The following ARHGAP32 variants were observed in gnomAD, a reference collection of about 807,000 sequenced individuals.
ARHGAP32 encodes rho GTPase-activating protein 32.
In ARHGAP32, 51 loss-of-function variants were observed where a neutral mutation model predicts 186.5. That is an observed-to-expected ratio of 0.27 (90% CI 0.22 to 0.35). ARHGAP32 has a LOEUF of 0.35. Among genes scored for constraint, ARHGAP32 ranks in the 10% least tolerant of loss-of-function variants. ARHGAP32 has a pLI of 1.00. For missense variants in ARHGAP32, 2,186 were observed against 2,623.5 expected, an observed-to-expected ratio of 0.83 and a Z score of 3.64; for synonymous variants, 950 against 964.3, an observed-to-expected ratio of 0.99 and a Z score of 0.27.
At chr11:128,992,100 C>A (rs1946072654) in intron 12 of ARHGAP32, among the ~76,000 whole-genome samples, 1 of 152,092 alleles carries the variant, frequency 6.6e-6, no homozygotes, top group African/African-American at 2.4e-5. Context: ...ATGATTCTAC[C>A]TAATATGACT....
At chr11:129,091,236 C>T (rs1440143782) in intron 6 of ARHGAP32, among the ~76,000 whole-genome samples, 1 of 152,076 alleles carries the variant, frequency 6.6e-6, no homozygotes, top group Non-Finnish European at 1.5e-5. Context: ...TGCTTTGGGT[C>T]CATGCTGTAT....
At chr11:128,993,100 T>G (rs939014496) in intron 12 of ARHGAP32, 6 of 152,238 alleles carry the variant, frequency 3.9e-5, no homozygotes, top group Admixed American at 6.5e-5. Flanking sequence ...AGGTCAAGTT[T>G]GTCACTTGCT....
At chr11:128,980,221 G>A (rs1363344196) in intron 18 of ARHGAP32, among the ~76,000 whole-genome samples, 1 of 152,142 alleles carries the variant, frequency 6.6e-6, no homozygotes, top group African/African-American at 2.4e-5. Flanking sequence ...TTCCAACACA[G>A]CTTATTTCTA....
chr11:129,070,841 T>C (rs1166640655), intron 6 of ARHGAP32, among the ~76,000 whole-genome samples: 1 of 151,988 alleles, frequency 6.6e-6, no homozygotes, highest in East Asian at 1.9e-4. Context: ...TTCCAGTAGG[T>C]GAAAAACTGT....
At chr11:129,193,609 TAA>T (rs1944330245), upstream of ARHGAP32, among the ~76,000 whole-genome samples, 1 of 78,172 alleles carries the variant, frequency 1.3e-5, no homozygotes, top group Non-Finnish European at 2.3e-5. Flanking sequence ...ATATAATATA[TAA>T]TATATGTTAT....
chr11:129,232,475 G>C (rs1944872109), intron 1 of ARHGAP32, among the ~76,000 whole-genome samples: 1 of 152,128 alleles, frequency 6.6e-6, no homozygotes, highest in Non-Finnish European at 1.5e-5. Flanking sequence ...AAAACAACTG[G>C]CGTTATTGTT....
intron 20 of ARHGAP32, among the ~76,000 whole-genome samples, chr11:128,975,482 C>T (rs1403906116): frequency 1.3e-5 from 2 of 151,978 alleles, no homozygotes; most frequent in Non-Finnish European, 2.9e-5. Context: ...ATAAATTGAA[C>T]TTCTCAATTA....
intron 1 of ARHGAP32, among the ~76,000 whole-genome samples, chr11:129,223,451 C>A (rs1944738295): frequency 6.6e-6 from 1 of 152,026 alleles, no homozygotes; most frequent in African/African-American, 2.4e-5. Flanking sequence ...ATATAATAGG[C>A]AGTGAAATAG....
At chr11:129,148,972 C>G in intron 2 of ARHGAP32, among the ~76,000 whole-genome samples, 1 of 152,140 alleles carries the variant, frequency 6.6e-6, no homozygotes, top group East Asian at 1.9e-4. Flanking sequence ...AAGCTTGGAC[C>G]CACCTAAACC....
Position 128,966,398 on chromosome 11 carries a change from T to G in ARHGAP32, c.*2509A>C, listed in dbSNP as rs1226825546. On this transcript the variant is annotated 3_prime_UTR_variant, in exon 23 of 23. Transcript: ENST00000682385. The stretch of plus-strand genomic sequence containing the variant: ...GCCATCCGGTTTCCACCCCACAACA[T>G]TAGAAAGGGAAAGATGCCGGAAAAG... 1 of 152,160 alleles carries G rather than the reference T, an allele frequency of 6.6e-6. No individual in the cohort carries two copies. Among genetic ancestry groups the G allele is most frequent in the East Asian group, 1.9e-4 (1 of 5,198 alleles). The allele number at this position is 152,160 out of a possible 1,614,324, so 9.4% of individuals were successfully genotyped here. A position where few individuals can be genotyped will look rare whatever the true frequency, so the allele number is the denominator to read the frequency against.
intron 1 of ARHGAP32, among the ~76,000 whole-genome samples, chr11:129,244,855 C>T (rs1591715953): frequency 6.6e-6 from 1 of 151,532 alleles, no homozygotes; most frequent in East Asian, 1.9e-4. Context: ...AAAATGCTCA[C>T]CATCACTGGC....
intron 6 of ARHGAP32, among the ~76,000 whole-genome samples, chr11:129,082,122 T>C (rs1417200579): frequency 6.6e-6 from 1 of 152,076 alleles, no homozygotes; most frequent in East Asian, 1.9e-4. Flanking sequence ...CATAAACTAA[T>C]GGAAACACAT....
chr11:129,249,763 T>C lies in ARHGAP32; in HGVS notation c.-5+29383A>G, dbSNP rs1218831738. On this transcript the variant is annotated intron_variant, in intron 1 of 6. Transcript: ENST00000525234. ...ATTTGATATCCACCACACCTTAATT[T>C]AGTCCTTTAAAAAAGTTTTGGGTTT... Among the ~76,000 whole-genome samples the C allele has an allele frequency of 4.6e-5, 7 of 152,098 alleles. No individual in the cohort carries two copies. In the East Asian group the frequency reaches 1.3e-3, roughly 29 times the overall value.
At chr11:129,125,939 T>G (rs898807815) in intron 2 of ARHGAP32, 2 of 438,602 alleles carry the variant, frequency 4.6e-6, no homozygotes, top group South Asian at 3.3e-5. Context: ...GAAACAGAAC[T>G]CATTCCATCT....
chr11:129,198,547 G>C (rs528945843), intron 1 of ARHGAP32, among the ~76,000 whole-genome samples: 1 of 152,132 alleles, frequency 6.6e-6, no homozygotes, highest in African/African-American at 2.4e-5. Flanking sequence ...CACCCCTGTC[G>C]CTTGGCTCTT....
chr11:129,039,816 A>G (rs1387767175), intron 11 of ARHGAP32, among the ~76,000 whole-genome samples: 1 of 152,206 alleles, frequency 6.6e-6, no homozygotes, highest in Non-Finnish European at 1.5e-5. Flanking sequence ...ACAAGTACCC[A>G]CTTAGGAGCT....
At chr11:128,987,985 G>T in intron 13 of ARHGAP32, 38 bp downstream of exon 13, 1 of 1,257,680 alleles carries the variant, frequency 8.0e-7, no homozygotes. Flanking sequence ...ATTTTAATTA[G>T]TTAAGAAGGA....
intron 11 of ARHGAP32, among the ~76,000 whole-genome samples, chr11:129,020,048 G>A (rs529079041): frequency 6.6e-6 from 1 of 152,026 alleles, no homozygotes; most frequent in Non-Finnish European, 1.5e-5. Flanking sequence ...GAAAATACCT[G>A]AGAAATCATA....
chr11:129,160,845 G>T lies in ARHGAP32; in HGVS notation c.225+3474C>A, dbSNP rs191988156. The stretch of plus-strand genomic sequence containing the variant: ...ATGGAACCAAAAAAGAGCCTGCATA[G>T]CCAAGATAATCCTAAGCAAAAAGAA... On this transcript the variant is annotated intron_variant, in intron 2 of 22. Transcript: ENST00000682385. Among the ~76,000 whole-genome samples, 458 of 152,210 alleles carry T rather than the reference G, an allele frequency of 3.0e-3. 8 individuals are homozygous for T. The highest frequency in any genetic ancestry group is 0.011 in the African/African-American group (439 of 41,518).
Sources: allele counts gnomAD v4.1 joint callset (sites outside exome capture counted in the v4.1 genomes callset), GRCh38; gene constraint gnomAD v4.1.1; transcripts MANE v1.5; gene names NCBI Gene and HGNC (gene_info 2026-07-23, HGNC 2026-07-21).